The following TENM4 variants were observed in gnomAD, a reference collection of about 807,000 sequenced individuals.
TENM4 encodes the protein teneurin transmembrane protein 4.
A neutral mutation model predicts 243.3 loss-of-function variants in TENM4; 82 were observed. The ratio of observed to expected loss-of-function variants is 0.34; its 90% CI spans 0.28 to 0.40. TENM4 has a LOEUF of 0.40. TENM4 is among the 10% of genes least tolerant of loss of function. The probability of loss-of-function intolerance (pLI) is 1.00; values close to 1 mark genes in which losing one functional copy is unlikely to be tolerated. For missense variants in TENM4, 3,138 were observed against 3,673.3 expected (o/e 0.85, Z 3.77); for synonymous variants, 1,412 against 1,456.3 (o/e 0.97, Z 0.69).
intron 2 of TENM4, among the ~76,000 whole-genome samples, chr11:79,281,181 T>C (rs1856151076): frequency 1.3e-5 from 2 of 152,182 alleles, no homozygotes; most frequent in African/African-American, 2.4e-5. Context: ...CTTAGCACCT[T>C]TGATATGCCC....
chr11:79,416,245 G>A (rs911090318), intron 1 of TENM4, among the ~76,000 whole-genome samples: 1 of 152,094 alleles, frequency 6.6e-6, no homozygotes, highest in Non-Finnish European at 1.5e-5. Context: ...CACTTCCCTG[G>A]GGTAAATACC....
chr11:78,855,136 G>A (rs1329833630), intron 11 of TENM4, among the ~76,000 whole-genome samples: 2 of 152,144 alleles, frequency 1.3e-5, no homozygotes, highest in Admixed American at 6.5e-5. Flanking sequence ...ATGCAGGCCA[G>A]GACTAGCATA....
At chr11:79,080,866 A>G (rs963853007) in intron 4 of TENM4, among the ~76,000 whole-genome samples, 1 of 152,168 alleles carries the variant, frequency 6.6e-6, no homozygotes, top group African/African-American at 2.4e-5. Flanking sequence ...TTCTCTGTAA[A>G]AACATTTTTT....
chr11:78,745,227 C>CTTT (rs1783943), intron 19 of TENM4, among the ~76,000 whole-genome samples: 10 of 128,058 alleles, frequency 7.8e-5, no homozygotes, highest in Non-Finnish European at 1.2e-4. Context: ...TTTTCTTTTT[C>CTTT]TTTTTTTTTT....
intron 6 of TENM4, among the ~76,000 whole-genome samples, chr11:79,014,031 G>A (rs1197573841): frequency 6.6e-6 from 1 of 151,918 alleles, no homozygotes; most frequent in Non-Finnish European, 1.5e-5. Flanking sequence ...CATTCTTATT[G>A]ATTTGTTTTC....
intron 12 of TENM4, among the ~76,000 whole-genome samples, chr11:78,839,057 C>T (rs1858189712): frequency 6.6e-6 from 1 of 152,096 alleles, no homozygotes. Context: ...TGCTTGACTC[C>T]TATTCTCATT....
intron 21 of TENM4, among the ~76,000 whole-genome samples, chr11:78,730,916 G>A (rs1855648556): frequency 2.0e-5 from 3 of 152,304 alleles, no homozygotes; most frequent in Middle Eastern, 3.4e-3. Context: ...ATACCCTGGT[G>A]AGCCCCTGGC....
At chr11:79,402,004 G>C (rs1304178362) in intron 1 of TENM4, 1 of 392,554 alleles carries the variant, frequency 2.5e-6, no homozygotes, top group South Asian at 2.2e-5. Context: ...GGTGAGAAGA[G>C]AGATGACTAG....
At chr11:78,957,337 T>G (rs1346772997) in intron 6 of TENM4, among the ~76,000 whole-genome samples, 2 of 152,032 alleles carry the variant, frequency 1.3e-5, no homozygotes, top group Admixed American at 6.5e-5. Context: ...AATCCCAGGC[T>G]CCACGAAATT....
chr11:79,139,817 A>T lies in TENM4; in HGVS notation c.-66+8893T>A, dbSNP rs1180121485. Among the ~76,000 whole-genome samples the T allele has an allele frequency of 6.0e-4, 74 of 124,128 alleles. 4 individuals are homozygous for T. Among genetic ancestry groups the T allele is most frequent in the African/African-American group, 2.4e-3 (73 of 30,786 alleles). 81.4% of individuals were successfully genotyped at this position (124,128 alleles called of 152,430 possible). A position where few individuals can be genotyped will look rare whatever the true frequency, so the allele number is the denominator to read the frequency against. ...TATATAAATATATAATATATATTTT[A>T]TATTTATATATAATACATAGATTAT... On this transcript the variant is annotated intron_variant, in intron 4 of 33. Transcript: ENST00000278550.
Position 78,903,536 on chromosome 11 carries a change from C to T in TENM4, c.494-13G>A. 1 of 1,544,478 alleles carries T rather than the reference C, an allele frequency of 6.5e-7. No individual in the cohort carries two copies. Among genetic ancestry groups the T allele is most frequent in the Non-Finnish European group, 8.7e-7 (1 of 1,146,610 alleles). ...CCGCCCGGATGATCTAGGGCACAAA[C>T]ATGGCGGTCAGCGGCGGTGAGCTTG... On this transcript the variant is annotated splice_polypyrimidine_tract_variant and intron_variant, in intron 6 of 33. Transcript: ENST00000278550.
chr11:79,179,732 G>A (rs1003219740), intron 3 of TENM4, among the ~76,000 whole-genome samples: 5 of 151,748 alleles, frequency 3.3e-5, no homozygotes, highest in East Asian at 1.9e-4. Flanking sequence ...AAGACCAAGC[G>A]AGTGATTCAA....
intron 28 of TENM4, among the ~76,000 whole-genome samples, chr11:78,692,524 C>T (rs1210390265): frequency 2.6e-5 from 4 of 152,246 alleles, no homozygotes; most frequent in African/African-American, 9.6e-5. Context: ...CCCAGGGCCC[C>T]CAGGACCCCA....
At chr11:79,180,590 G>A (rs550677934) in intron 3 of TENM4, among the ~76,000 whole-genome samples, 3 of 151,598 alleles carry the variant, frequency 2.0e-5, no homozygotes, top group Non-Finnish European at 3.0e-5. Flanking sequence ...GTAATTGTGC[G>A]TGGGGTTAAT....
intron 2 of TENM4, among the ~76,000 whole-genome samples, chr11:79,255,936 T>C (rs1186014548): frequency 2.6e-5 from 4 of 152,178 alleles, no homozygotes; most frequent in African/African-American, 9.7e-5. Context: ...CCTCCAGCTC[T>C]TTTCTCTACC....
At chr11:79,099,732 A>C (rs1470340245) in intron 4 of TENM4, among the ~76,000 whole-genome samples, 1 of 152,146 alleles carries the variant, frequency 6.6e-6, no homozygotes, top group African/African-American at 2.4e-5. Context: ...AATCCTCACC[A>C]CAAGGAACAT....
At chr11:79,211,516 G>T (rs1863955672) in intron 3 of TENM4, among the ~76,000 whole-genome samples, 1 of 152,110 alleles carries the variant, frequency 6.6e-6, no homozygotes, top group Admixed American at 6.5e-5. Context: ...TTTCATTCTG[G>T]CTTTCTTATG....
intron 29 of TENM4, among the ~76,000 whole-genome samples, chr11:78,685,489 T>C (rs873272): frequency 0.089 from 13,516 of 152,232 alleles, 1,934 homozygotes; most frequent in African/African-American, 0.31. Flanking sequence ...TGATTTTTCT[T>C]TTCATATTTT....
intron 16 of TENM4, among the ~76,000 whole-genome samples, chr11:78,785,655 TA>T (rs1340235903): frequency 3.3e-5 from 5 of 152,162 alleles, no homozygotes; most frequent in Non-Finnish European, 5.9e-5. Flanking sequence ...TGTGAATACT[TA>T]AAAATCAGAA....
Sources: allele counts gnomAD v4.1 joint callset (sites outside exome capture counted in the v4.1 genomes callset), GRCh38; gene constraint gnomAD v4.1.1; transcripts MANE v1.5; gene names NCBI Gene and HGNC (gene_info 2026-07-23, HGNC 2026-07-21).